PHF21A: variants seen among roughly 807,000 people sequenced by gnomAD.
PHF21A encodes PHD finger protein 21A.
Under a neutral mutation model 82.5 loss-of-function variants are expected in PHF21A, and 11 were observed. The ratio of observed to expected loss-of-function variants is 0.13; its 90% CI spans 0.08 to 0.22. The LOEUF (loss-of-function observed/expected upper bound fraction) is 0.22. Ranked by LOEUF, PHF21A falls within the 10% of genes least tolerant of loss-of-function variation. PHF21A has a pLI of 1.00. For missense variants in PHF21A, 579 were observed against 837.8 expected, an observed-to-expected ratio of 0.69 and a Z score of 3.81; for synonymous variants, 297 against 302.8, an observed-to-expected ratio of 0.98 and a Z score of 0.20.
At chr11:46,077,651 C>T (rs1294503208) in intron 5 of PHF21A, among the ~76,000 whole-genome samples, 4 of 152,056 alleles carry the variant, frequency 2.6e-5, no homozygotes, top group Non-Finnish European at 4.4e-5. Context: ...TGGTTTACTC[C>T]ATGTGGACTT....
At chr11:46,011,854 A>C (rs2095420512) in intron 6 of PHF21A, among the ~76,000 whole-genome samples, 1 of 152,228 alleles carries the variant, frequency 6.6e-6, no homozygotes, top group Non-Finnish European at 1.5e-5. Context: ...TCTCTATGCA[A>C]CACAACAAAA....
chr11:46,106,566 T>C (rs1027541601), intron 1 of PHF21A, among the ~76,000 whole-genome samples: 1 of 152,206 alleles, frequency 6.6e-6, no homozygotes, highest in Non-Finnish European at 1.5e-5. Context: ...GATATGATGA[T>C]TTCAATAATT....
intron 18 of PHF21A, chr11:45,934,833 C>G: frequency 2.8e-6 from 1 of 353,876 alleles, no homozygotes; most frequent in Non-Finnish European, 5.6e-6. Flanking sequence ...GCTTCCCACA[C>G]CTGCTGGCTT....
rs767621246 is a variant in PHF21A at position 45,965,500 on chromosome 11, T to A, written c.811A>T (p.Thr271Ser). The change falls in exon 10 of 19, where the codon ACC becomes TCC. Residue 271 changes from threonine to serine, a missense_variant. Physicochemically the swap from Thr to Ser is moderately conservative, Grantham distance 58 (BLOSUM62 1). Transcript: ENST00000676320. Reference protein sequence around the residue: ...IQRPVMLTKFTPTTLPTSQNS... With the variant: ...IQRPVMLTKFSPTTLPTSQNS... Reference sequence around the variant, plus strand: ...TGGGATGTGGGAAGGGTTGTGGGGGTGAACTTGGTCAGCATGACGGGCCTC... The same window carrying A: ...TGGGATGTGGGAAGGGTTGTGGGGGAGAACTTGGTCAGCATGACGGGCCTC... The A allele has an allele frequency of 2.5e-6, 4 of 1,612,606 alleles. No individual in the cohort carries two copies. The South Asian group carries it at 4.4e-5, about 18-fold the overall frequency.
chr11:45,942,498 G>A (rs777261539), intron 15 of PHF21A, among the ~76,000 whole-genome samples: 3 of 152,202 alleles, frequency 2.0e-5, no homozygotes, highest in East Asian at 1.9e-4. Flanking sequence ...AATCTTTGGC[G>A]CTAGCAAACA....
intron 7 of PHF21A, among the ~76,000 whole-genome samples, chr11:45,977,938 C>A (rs1459256112): frequency 6.6e-6 from 1 of 151,532 alleles, no homozygotes; most frequent in African/African-American, 2.4e-5. Context: ...TTAGCTACAC[C>A]ACATACCACC....
intron 6 of PHF21A, among the ~76,000 whole-genome samples, chr11:46,006,493 T>A (rs2095298275): frequency 6.6e-6 from 1 of 152,210 alleles, no homozygotes; most frequent in South Asian, 2.1e-4. Context: ...TCACGCTATA[T>A]AAATAACAAG....
chr11:46,022,899 C>T (rs2095659496), intron 6 of PHF21A, among the ~76,000 whole-genome samples: 1 of 152,072 alleles, frequency 6.6e-6, no homozygotes, highest in Admixed American at 6.5e-5. Flanking sequence ...TACAAGTGTG[C>T]ACCACCACAC....
intron 6 of PHF21A, among the ~76,000 whole-genome samples, chr11:46,075,311 G>A (rs2096712403): frequency 1.3e-5 from 2 of 152,134 alleles, no homozygotes; most frequent in African/African-American, 4.8e-5. Flanking sequence ...CTTTGCAACA[G>A]CATCCCCCAA....
chr11:46,120,795 C>CA (rs1853069724), intron 1 of PHF21A, 140 bp downstream of exon 1: 2 of 151,426 alleles, frequency 1.3e-5, no homozygotes, highest in African/African-American at 4.9e-5. Flanking sequence ...CTCCCAGAGA[C>CA]AAACACCAGC....
chr11:46,108,188 T>A (rs1029595645), intron 1 of PHF21A, among the ~76,000 whole-genome samples: 1 of 152,210 alleles, frequency 6.6e-6, no homozygotes, highest in African/African-American at 2.4e-5. Context: ...CCAGTTTTTT[T>A]AAATGTTATT....
At chr11:46,081,823 A>G (rs2096795947) in intron 4 of PHF21A, among the ~76,000 whole-genome samples, 1 of 152,212 alleles carries the variant, frequency 6.6e-6, no homozygotes. Flanking sequence ...TCATTCATTT[A>G]TATATTGTCC....
At chr11:46,108,647 T>C in intron 1 of PHF21A, among the ~76,000 whole-genome samples, 1 of 151,588 alleles carries the variant, frequency 6.6e-6, no homozygotes, top group East Asian at 1.9e-4. Flanking sequence ...GAATGACTAA[T>C]TTTCTACTTT....
chr11:45,967,489 C>T (rs992717737), intron 9 of PHF21A, among the ~76,000 whole-genome samples: 1 of 152,086 alleles, frequency 6.6e-6, no homozygotes, highest in Non-Finnish European at 1.5e-5. Flanking sequence ...ATTGTGGGGA[C>T]CTTGAAGCCA....
intron 6 of PHF21A, among the ~76,000 whole-genome samples, chr11:46,002,610 C>T (rs900098658): frequency 1.3e-5 from 2 of 152,124 alleles, no homozygotes; most frequent in South Asian, 4.1e-4. Context: ...AACTTATTTA[C>T]GTCACAGATA....
intron 6 of PHF21A, among the ~76,000 whole-genome samples, chr11:46,034,826 A>G (rs931694817): frequency 1.3e-5 from 2 of 152,196 alleles, no homozygotes; most frequent in African/African-American, 4.8e-5. Flanking sequence ...TCTGAGCCCT[A>G]CAAGGGGATA....
At position 46,002,059 on chromosome 11, in the gene PHF21A, T is replaced by C. The variant is rs560728163; in HGVS notation, c.154-22093A>G. 1.4e-4 allele frequency among the ~76,000 whole-genome samples: 22 copies of C among 152,312 alleles called. No individual in the cohort carries two copies. In the South Asian group the frequency reaches 4.6e-3, roughly 32 times the overall value. On this transcript the variant is annotated intron_variant, in intron 6 of 18. Coordinates refer to ENST00000676320, the MANE Select transcript of PHF21A (RefSeq NM_001352027.3). ...TAAAGAAAAGAGTGACTATTTTTAG[T>C]GAAAACAAAACAGTAAAACTAATAT...
chr11:46,115,929 G>T (rs762741203), intron 1 of PHF21A, among the ~76,000 whole-genome samples: 2 of 152,080 alleles, frequency 1.3e-5, no homozygotes, highest in Non-Finnish European at 2.9e-5. Flanking sequence ...ATAACACCCT[G>T]AGAGGTTTCA....
intron 12 of PHF21A, 144 bp from the exon 13 acceptor site, chr11:45,949,625 G>T: frequency 2.8e-6 from 2 of 708,360 alleles, no homozygotes; most frequent in South Asian, 1.6e-5. Context: ...GCAGAGGCAA[G>T]CACACTACTG....
Sources: allele counts gnomAD v4.1 joint callset (sites outside exome capture counted in the v4.1 genomes callset), GRCh38; gene constraint gnomAD v4.1.1; transcripts MANE v1.5; gene names NCBI Gene and HGNC (gene_info 2026-07-23, HGNC 2026-07-21).